The following MACROD2 variants were observed in gnomAD, a reference collection of about 807,000 sequenced individuals.
MACROD2 encodes the protein mono-ADP ribosylhydrolase 2.
Under a neutral mutation model 70.4 loss-of-function variants are expected in MACROD2, and 36 were observed. That is an observed-to-expected ratio of 0.51 (90% CI 0.39 to 0.68). The LOEUF is 0.68. Among genes scored for constraint, MACROD2 ranks in the 30% least tolerant of loss-of-function variants. The pLI, the probability that MACROD2 is intolerant of heterozygous loss-of-function variation, is 0.00. For synonymous variants in MACROD2, 172 were observed against 178.8 expected (o/e 0.96, Z 0.30); for missense variants, 496 against 538.4 (o/e 0.92, Z 0.78).
intron 7 of MACROD2, among the ~76,000 whole-genome samples, chr20:15,478,345 A>G (rs547448116): frequency 6.6e-6 from 1 of 152,112 alleles, no homozygotes; most frequent in Non-Finnish European, 1.5e-5. Flanking sequence ...CAAGCTGTGC[A>G]CCCTCCTGTC....
At chr20:15,000,722 T>G (rs945432083) in intron 5 of MACROD2, among the ~76,000 whole-genome samples, 8 of 150,710 alleles carry the variant, frequency 5.3e-5, no homozygotes. Context: ...AAGGTAGGAT[T>G]GGTCCACTTT....
chr20:14,083,345 C>T (rs1289902209), intron 2 of MACROD2, among the ~76,000 whole-genome samples: 4 of 151,750 alleles, frequency 2.6e-5, no homozygotes, highest in Non-Finnish European at 5.9e-5. Flanking sequence ...ATCGCTTGAA[C>T]CTGGGAGATG....
At chr20:14,654,385 A>G (rs997473097) in intron 4 of MACROD2, among the ~76,000 whole-genome samples, 8 of 151,884 alleles carry the variant, frequency 5.3e-5, no homozygotes, top group Non-Finnish European at 1.0e-4. Flanking sequence ...AGTCTCTGCT[A>G]AAGTACAAAA....
At chr20:14,835,646 TATCATTGA>T (rs1298058565) in intron 5 of MACROD2, among the ~76,000 whole-genome samples, 11 of 152,092 alleles carry the variant, frequency 7.2e-5, no homozygotes, top group Non-Finnish European at 1.2e-4. Context: ...GAGGTCAATG[TATCATTGA>T]ATCCACTTGC....
At chr20:14,322,202 T>TA (rs1568553958) in intron 3 of MACROD2, among the ~76,000 whole-genome samples, 2,385 of 53,680 alleles carry the variant, frequency 0.044, 58 homozygotes, top group South Asian at 0.069. Context: ...ATATATATAT[T>TA]TTGTATTTTG....
At chr20:14,182,967 A>G (rs1449448029) in intron 3 of MACROD2, among the ~76,000 whole-genome samples, 1 of 151,382 alleles carries the variant, frequency 6.6e-6, no homozygotes, top group African/African-American at 2.4e-5. Flanking sequence ...ACAACTAAAT[A>G]TATCTAGTTA....
chr20:14,221,908 A>T (rs1253229407), intron 3 of MACROD2, among the ~76,000 whole-genome samples: 1 of 152,238 alleles, frequency 6.6e-6, no homozygotes, highest in Non-Finnish European at 1.5e-5. Flanking sequence ...GAGAAATGCA[A>T]ATTAAAACCA....
intron 4 of MACROD2, among the ~76,000 whole-genome samples, chr20:14,675,272 A>G (rs1269912984): frequency 6.6e-6 from 1 of 152,210 alleles, no homozygotes; most frequent in African/African-American, 2.4e-5. Context: ...CAAGGTTGAA[A>G]TGAAGGAAAA....
intron 8 of MACROD2, among the ~76,000 whole-genome samples, chr20:15,746,595 C>T (rs1321689628): frequency 7.0e-6 from 1 of 143,640 alleles, no homozygotes; most frequent in Non-Finnish European, 1.5e-5. Context: ...AACGGTGAAA[C>T]TTTCATCATT....
At chr20:14,418,325 TA>T (rs2083833962) in intron 3 of MACROD2, among the ~76,000 whole-genome samples, 1 of 152,242 alleles carries the variant, frequency 6.6e-6, no homozygotes, top group Non-Finnish European at 1.5e-5. Context: ...ATTTTTAACA[TA>T]AATCTGCAGT....
At chr20:15,795,700 A>G (rs578039095) in intron 8 of MACROD2, among the ~76,000 whole-genome samples, 1 of 152,276 alleles carries the variant, frequency 6.6e-6, no homozygotes, top group South Asian at 2.1e-4. Context: ...CTGACATTGT[A>G]TAGGGGAATA....
intron 3 of MACROD2, among the ~76,000 whole-genome samples, chr20:14,252,824 C>G (rs2082023601): frequency 6.6e-6 from 1 of 151,970 alleles, no homozygotes; most frequent in African/African-American, 2.4e-5. Flanking sequence ...GCTTTTAAAG[C>G]TACATTTTAT....
At chr20:14,130,331 T>G (rs1486951584) in intron 3 of MACROD2, among the ~76,000 whole-genome samples, 1 of 152,138 alleles carries the variant, frequency 6.6e-6, no homozygotes, top group African/African-American at 2.4e-5. Flanking sequence ...GTGGATCACC[T>G]GAGGTCAGGA....
At chr20:14,984,137 G>C (rs1301523731) in intron 5 of MACROD2, among the ~76,000 whole-genome samples, 3 of 152,088 alleles carry the variant, frequency 2.0e-5, no homozygotes, top group African/African-American at 7.2e-5. Flanking sequence ...TGATTGGTTT[G>C]CTTTTTTCTC....
At chr20:14,181,581 CG>C (rs1222081427) in intron 3 of MACROD2, among the ~76,000 whole-genome samples, 1 of 151,770 alleles carries the variant, frequency 6.6e-6, no homozygotes, top group East Asian at 1.9e-4. Context: ...TATCTAATTC[CG>C]GATCTTTTTT....
intron 5 of MACROD2, among the ~76,000 whole-genome samples, chr20:14,854,034 A>T (rs1049919255): frequency 6.6e-6 from 1 of 152,154 alleles, no homozygotes; most frequent in Non-Finnish European, 1.5e-5. Flanking sequence ...TTAGGTCAGC[A>T]TTAGGGGCTT....
intron 5 of MACROD2, among the ~76,000 whole-genome samples, chr20:15,124,694 A>C (rs2076054453): frequency 1.3e-5 from 2 of 151,870 alleles, no homozygotes; most frequent in African/African-American, 4.8e-5. Flanking sequence ...ATATGTTTTT[A>C]TTTTTATATT....
intron 8 of MACROD2, among the ~76,000 whole-genome samples, chr20:15,770,096 T>TC (rs1427630235): frequency 1.0e-5 from 1 of 97,916 alleles, no homozygotes; most frequent in African/African-American, 3.4e-5. Flanking sequence ...TTTCTTTTTT[T>TC]TTTTTTTTTT....
At chr20:15,525,139 A>C (rs1043030403) in intron 8 of MACROD2, among the ~76,000 whole-genome samples, 3 of 152,184 alleles carry the variant, frequency 2.0e-5, no homozygotes, top group African/African-American at 7.2e-5. Context: ...TGGCTCATAA[A>C]GATGTGTTTG....
Sources: allele counts gnomAD v4.1 joint callset (sites outside exome capture counted in the v4.1 genomes callset), GRCh38; gene constraint gnomAD v4.1.1; transcripts MANE v1.5; gene names NCBI Gene and HGNC (gene_info 2026-07-23, HGNC 2026-07-21).